The following ADAMTS17 variants were observed in gnomAD, a reference collection of about 807,000 sequenced individuals.
ADAMTS17 encodes ADAM metallopeptidase with thrombospondin type 1 motif 17, also known as A disintegrin and metalloproteinase with thrombospondin motifs 17.
Under a neutral mutation model 141.5 loss-of-function variants are expected in ADAMTS17, and 113 were observed. The observed-to-expected ratio is 0.80, with a 90% confidence interval of 0.69 to 0.93. The LOEUF (loss-of-function observed/expected upper bound fraction) is 0.93. ADAMTS17 is among the 40% of genes least tolerant of loss of function. ADAMTS17 has a pLI of 0.00. For synonymous variants in ADAMTS17, 768 were observed against 630.6 expected (o/e 1.22, Z -3.27); for missense variants, 1,659 against 1,517.9 (o/e 1.09, Z -1.54).
intron 15 of ADAMTS17, among the ~76,000 whole-genome samples, chr15:100,067,917 G>T (rs1004232567): frequency 6.6e-6 from 1 of 152,184 alleles, no homozygotes; most frequent in African/African-American, 2.4e-5. Context: ...AGGACAGTGG[G>T]TGCAGTGCAC....
chr15:100,138,514 T>C (rs2038453313), intron 10 of ADAMTS17, among the ~76,000 whole-genome samples: 1 of 152,210 alleles, frequency 6.6e-6, no homozygotes, highest in Non-Finnish European at 1.5e-5. Context: ...AGAAAATCAA[T>C]GGATTTTGAC....
chr15:100,240,039 G>A lies in ADAMTS17; in HGVS notation c.1075+14097C>T, dbSNP rs563872352. ...CCAACCCCAACAATCCAGGCTGTGC[G>A]GCAGATCAGTGAGCCTGCTCCACGT... On this transcript the variant is annotated intron_variant, in intron 7 of 21. Coordinates refer to ENST00000268070, the MANE Select transcript of ADAMTS17 (RefSeq NM_139057.4). Among the ~76,000 whole-genome samples, 6 of 152,288 alleles carry A rather than the reference G, an allele frequency of 3.9e-5. No individual in the cohort carries two copies. In the South Asian group the frequency reaches 6.2e-4, roughly 16 times the overall value.
At chr15:100,149,176 G>A (rs541038136) in intron 10 of ADAMTS17, among the ~76,000 whole-genome samples, 1 of 152,234 alleles carries the variant, frequency 6.6e-6, no homozygotes, top group African/African-American at 2.4e-5. Flanking sequence ...ATACAGCAGG[G>A]CCTGGAGCCC....
Position 100,254,599 on chromosome 15 carries a change from T to C in ADAMTS17, c.1032-420A>G, listed in dbSNP as rs577936849. Among the ~76,000 whole-genome samples the C allele has an allele frequency of 2.6e-5, 4 of 152,326 alleles. No homozygotes were observed. In the East Asian group the frequency reaches 5.8e-4, roughly 22 times the overall value. The stretch of plus-strand genomic sequence containing the variant: ...GGTTTTTGATGCTGTAATGACCATG[T>C]ATTGCTTTCACAAGAAGACAACAAA... On this transcript the variant is annotated intron_variant, in intron 6 of 21. Coordinates refer to ENST00000268070, the MANE Select transcript of ADAMTS17 (RefSeq NM_139057.4).
intron 14 of ADAMTS17, among the ~76,000 whole-genome samples, chr15:100,106,273 C>A (rs1312760171): frequency 6.6e-6 from 1 of 152,196 alleles, no homozygotes; most frequent in Non-Finnish European, 1.5e-5. Context: ...GATTTCCAGC[C>A]TCCAGAACGT....
At chr15:100,256,134 G>T (rs73481930) in intron 6 of ADAMTS17, among the ~76,000 whole-genome samples, 14,827 of 152,196 alleles carry the variant, frequency 0.097, 1,441 homozygotes, top group African/African-American at 0.25. Context: ...TCACTTTTTA[G>T]GTCATCCCAC....
chr15:100,093,204 T>A (rs912587194), intron 15 of ADAMTS17, among the ~76,000 whole-genome samples: 1 of 152,154 alleles, frequency 6.6e-6, no homozygotes, highest in Non-Finnish European at 1.5e-5. Flanking sequence ...GGACCTGTCA[T>A]GACAGAGAGG....
chr15:100,281,392 T>G lies in ADAMTS17; in HGVS notation c.626A>C (p.Lys209Thr). 6.2e-7 allele frequency: 1 copy of G among 1,611,584 alleles called. No individual in the cohort carries two copies. Among genetic ancestry groups the G allele is most frequent in the Non-Finnish European group, 8.5e-7 (1 of 1,179,844 alleles). The change falls in exon 4 of 22, where the codon AAG becomes ACG. Residue 209 changes from lysine to threonine, a missense_variant. By Grantham distance (78) the Lys-to-Thr change is moderately conservative. Transcript: ENST00000268070. The stretch of plus-strand genomic sequence containing the variant: ...CCGCGAAGGCCTGCCCCACGTCGGC[T>G]TCTTCTTTTCTAGAAAATGATGGAA... ...QLCKVLTEKK[K>T]PTWGRPSRDW...
In ADAMTS17 at chr15:100,152,778, G is replaced by C; in HGVS notation, c.1323-16C>G. 6.2e-7 allele frequency: 1 copy of C among 1,614,086 alleles called. No homozygotes were observed. Reference sequence around the variant, plus strand: ...GACTTTTGACCTGAAACAGCCGAGAGGCAAGTTGACTTGCAAATGTACTGC... The same window carrying C: ...GACTTTTGACCTGAAACAGCCGAGACGCAAGTTGACTTGCAAATGTACTGC... On this transcript the variant is annotated splice_polypyrimidine_tract_variant and intron_variant, in intron 9 of 21. Coordinates refer to ENST00000268070, the MANE Select transcript of ADAMTS17 (RefSeq NM_139057.4).
intron 18 of ADAMTS17, among the ~76,000 whole-genome samples, chr15:100,029,304 G>C (rs931064386): frequency 3.3e-5 from 5 of 152,126 alleles, no homozygotes; most frequent in Non-Finnish European, 7.4e-5. Context: ...CAAAACATAG[G>C]GATCTAAATT....
chr15:99,992,912 G>C (rs768927901), intron 20 of ADAMTS17, 136 bp downstream of exon 20: 5 of 1,117,190 alleles, frequency 4.5e-6, no homozygotes, highest in Non-Finnish European at 5.2e-6. Flanking sequence ...AGTTGCAGCG[G>C]GTGGAAGGAA....
chr15:100,048,758 G>T, intron 18 of ADAMTS17, 99 bp downstream of exon 18: 2 of 1,536,886 alleles, frequency 1.3e-6, no homozygotes, highest in Non-Finnish European at 1.8e-6. Flanking sequence ...ACACAGCATA[G>T]AGCAGTACTG....
chr15:100,171,164 G>C (rs749003682), intron 8 of ADAMTS17, among the ~76,000 whole-genome samples: 1 of 152,136 alleles, frequency 6.6e-6, no homozygotes, highest in Non-Finnish European at 1.5e-5. Flanking sequence ...GCAGTTGAGA[G>C]AGCCTGCTGC....
chr15:100,206,066 C>G (rs12915327), intron 7 of ADAMTS17, among the ~76,000 whole-genome samples: 1 of 152,148 alleles, frequency 6.6e-6, no homozygotes, highest in Non-Finnish European at 1.5e-5. Flanking sequence ...ACCGCTCTCT[C>G]GGCAAACTTT....
chr15:100,310,907 T>G (rs1303752302), intron 3 of ADAMTS17, among the ~76,000 whole-genome samples: 1 of 152,176 alleles, frequency 6.6e-6, no homozygotes, highest in Non-Finnish European at 1.5e-5. Context: ...GCACATGAAA[T>G]TGCCTGTTGC....
chr15:100,268,528 G>A (rs556800302), intron 4 of ADAMTS17, among the ~76,000 whole-genome samples: 15 of 152,196 alleles, frequency 9.9e-5, no homozygotes, highest in East Asian at 3.9e-4. Context: ...ATTGATTTGC[G>A]TTGCTCTGAT....
intron 8 of ADAMTS17, among the ~76,000 whole-genome samples, chr15:100,157,103 A>AC (rs1364606345): frequency 6.6e-6 from 1 of 152,238 alleles, no homozygotes; most frequent in African/African-American, 2.4e-5. Context: ...CCAGATGCTT[A>AC]CAAACCCATC....
chr15:100,263,971 C>CA (rs1330012342), intron 4 of ADAMTS17, among the ~76,000 whole-genome samples: 1 of 152,226 alleles, frequency 6.6e-6, no homozygotes, highest in African/African-American at 2.4e-5. Context: ...AGAAGCCAGG[C>CA]ACGCAGTGTT....
At chr15:99,984,918 G>A (rs932700848) in intron 20 of ADAMTS17, among the ~76,000 whole-genome samples, 1 of 152,244 alleles carries the variant, frequency 6.6e-6, no homozygotes. Flanking sequence ...GGTTTGACAA[G>A]GGACACTGAG....
Sources: allele counts gnomAD v4.1 joint callset (sites outside exome capture counted in the v4.1 genomes callset), GRCh38; gene constraint gnomAD v4.1.1; transcripts MANE v1.5; gene names NCBI Gene and HGNC (gene_info 2026-07-23, HGNC 2026-07-21).